SLC4A4: variants seen among roughly 807,000 people sequenced by gnomAD.
The protein encoded by SLC4A4 is electrogenic sodium bicarbonate cotransporter 1.
In SLC4A4, 27 loss-of-function variants were observed where a neutral mutation model predicts 111.5. That is an observed-to-expected ratio of 0.24 (90% CI 0.18 to 0.33). The LOEUF (loss-of-function observed/expected upper bound fraction) is 0.33, where lower values mean the gene tolerates loss of function less well. SLC4A4 is among the 10% of genes least tolerant of loss of function. SLC4A4 has a pLI of 1.00. For missense variants in SLC4A4, 909 were observed against 1,315.5 expected (o/e 0.69, Z 4.78); for synonymous variants, 443 against 463.4 (o/e 0.96, Z 0.57).
At chr4:71,451,328 A>G in intron 11 of SLC4A4, 27 bp downstream of exon 11, 2 of 1,340,588 alleles carry the variant, frequency 1.5e-6, no homozygotes, top group Non-Finnish European at 2.1e-6. Context: ...TTTGCCATTC[A>G]TGATGAGGTT....
intron 6 of SLC4A4, among the ~76,000 whole-genome samples, chr4:71,384,011 T>C (rs114465123): frequency 0.026 from 4,030 of 152,278 alleles, 91 homozygotes; most frequent in Non-Finnish European, 0.039. Flanking sequence ...ACTAGATAAC[T>C]TGATGTAATT....
At chr4:71,276,564 CTT>C (rs1055421773) in intron 3 of SLC4A4, among the ~76,000 whole-genome samples, 3 of 142,378 alleles carry the variant, frequency 2.1e-5, no homozygotes, top group African/African-American at 2.6e-5. Flanking sequence ...TGTGAATCTG[CTT>C]TTTTTTTTTT....
chr4:71,512,965 A>C (rs1308041898), intron 16 of SLC4A4, among the ~76,000 whole-genome samples: 1 of 152,052 alleles, frequency 6.6e-6, no homozygotes, highest in Non-Finnish European at 1.5e-5. Flanking sequence ...TTTCTGGATT[A>C]TCTACTCCGT....
chr4:71,338,893 A>G (rs906741027), intron 3 of SLC4A4, among the ~76,000 whole-genome samples: 7 of 104,332 alleles, frequency 6.7e-5, no homozygotes, highest in African/African-American at 1.9e-4. Context: ...CTGCGAGGGC[A>G]TGAGCTTTAG....
intron 13 of SLC4A4, among the ~76,000 whole-genome samples, chr4:71,469,405 C>T (rs2149103745): frequency 6.6e-6 from 1 of 151,930 alleles, no homozygotes; most frequent in South Asian, 2.1e-4. Flanking sequence ...TTGTCAGTGG[C>T]TGCACATTAA....
chr4:71,366,895 A>G (rs1731386085), intron 6 of SLC4A4, among the ~76,000 whole-genome samples: 2 of 152,202 alleles, frequency 1.3e-5, no homozygotes. Flanking sequence ...GACATTTGCC[A>G]ATGTAAGTAA....
rs562569939 is a variant in SLC4A4, at chr4:71,335,388, C to T, written c.254-3982C>T. 4.6e-5 allele frequency among the ~76,000 whole-genome samples: 7 copies of T among 152,268 alleles called. 1 individual carries two copies. The highest frequency in any genetic ancestry group is 1.7e-4 in the African/African-American group (7 of 41,554). Reference sequence around the variant, plus strand: ...ACTCCTTAGAAGTATTGTCCAGACTCCAAATTCTGCCTGTCATTTCTTCAT... The same window carrying T: ...ACTCCTTAGAAGTATTGTCCAGACTTCAAATTCTGCCTGTCATTTCTTCAT... On this transcript the variant is annotated intron_variant, in intron 3 of 25. Coordinates refer to ENST00000264485, the MANE Select transcript of SLC4A4 (RefSeq NM_001098484.3).
At chr4:71,289,132 A>G (rs1724137543) in intron 3 of SLC4A4, among the ~76,000 whole-genome samples, 1 of 152,182 alleles carries the variant, frequency 6.6e-6, no homozygotes, top group African/African-American at 2.4e-5. Context: ...GGAGTAAATA[A>G]TTAGGTTAGA....
At chr4:71,556,804 G>C (rs1019555777) in intron 21 of SLC4A4, among the ~76,000 whole-genome samples, 5 of 151,958 alleles carry the variant, frequency 3.3e-5, no homozygotes, top group African/African-American at 1.2e-4. Context: ...CACTAGAGAA[G>C]ATTGTGATGG....
intron 4 of SLC4A4, among the ~76,000 whole-genome samples, chr4:71,346,661 G>C (rs888219285): frequency 6.6e-6 from 1 of 151,996 alleles, no homozygotes; most frequent in African/African-American, 2.4e-5. Context: ...GTAGTTTTCA[G>C]TTTTTGTTTT....
At chr4:71,349,226 T>G (rs1026200618) in intron 4 of SLC4A4, among the ~76,000 whole-genome samples, 1 of 152,208 alleles carries the variant, frequency 6.6e-6, no homozygotes, top group East Asian at 1.9e-4. Flanking sequence ...ATATCTCATA[T>G]TATCAGAATA....
At chr4:71,091,228 G>T (rs28548074) in intron 1 of SLC4A4, among the ~76,000 whole-genome samples, 1 of 151,300 alleles carries the variant, frequency 6.6e-6, no homozygotes, top group African/African-American at 2.4e-5. Flanking sequence ...GTTTACAGGC[G>T]TGAGCCACTG....
intron 16 of SLC4A4, among the ~76,000 whole-genome samples, chr4:71,510,493 A>T (rs1161885745): frequency 1.3e-5 from 2 of 152,074 alleles, no homozygotes; most frequent in Non-Finnish European, 2.9e-5. Flanking sequence ...TCATTATATG[A>T]TGACTTTCTT....
At position 71,563,882 on chromosome 4, in the gene SLC4A4, T is replaced by C; in HGVS notation, c.3189T>C (p.Pro1063=). The change falls in exon 24 of 26, where the codon CCT becomes CCC. Residue 1063 remains proline (P), a synonymous_variant. Coordinates refer to ENST00000264485, the MANE Select transcript of SLC4A4 (RefSeq NM_001098484.3). The stretch of plus-strand genomic sequence containing the variant: ...AACCTTTCCTAAGCGATAGCAAACC[T>C]TCTGACAGTGAGTAGAACTAACCTC... ...EQQPFLSDSK[P]SDRERSPTFL... The C allele has an allele frequency of 6.2e-7, 1 of 1,602,030 alleles. No individual in the cohort carries two copies. The highest frequency in any genetic ancestry group is 1.7e-4 in the Middle Eastern group (1 of 6,010).
intron 6 of SLC4A4, among the ~76,000 whole-genome samples, chr4:71,360,724 T>C (rs1345529081): frequency 6.6e-6 from 1 of 152,164 alleles, no homozygotes; most frequent in East Asian, 1.9e-4. Context: ...CAAGATCAAC[T>C]AAAGTATTGT....
At chr4:71,098,679 T>G (rs376776424) in intron 2 of SLC4A4, among the ~76,000 whole-genome samples, 43 of 152,120 alleles carry the variant, frequency 2.8e-4, no homozygotes, top group African/African-American at 1.0e-3. Flanking sequence ...GCAAGCTAGA[T>G]AAAAAGCAAG....
At chr4:71,312,951 GGTA>G (rs1726330153) in intron 3 of SLC4A4, among the ~76,000 whole-genome samples, 1 of 130,166 alleles carries the variant, frequency 7.7e-6, no homozygotes, top group Non-Finnish European at 1.5e-5. Flanking sequence ...GGAAATAAAG[GGTA>G]TTCAATTCAA....
intron 6 of SLC4A4, among the ~76,000 whole-genome samples, chr4:71,394,063 G>A (rs1489242246): frequency 6.6e-6 from 1 of 152,104 alleles, no homozygotes; most frequent in Non-Finnish European, 1.5e-5. Context: ...AAAAATTATA[G>A]AAGATAACAT....
intron 7 of SLC4A4, among the ~76,000 whole-genome samples, chr4:71,407,781 GTT>G (rs564084815): frequency 3.5e-5 from 5 of 144,482 alleles, no homozygotes; most frequent in African/African-American, 7.6e-5. Flanking sequence ...ACATTTCAAT[GTT>G]TTTTTTTTTT....
Sources: gnomAD v4.1 joint callset for allele counts (sites outside exome capture counted in the v4.1 genomes callset) on GRCh38, gnomAD v4.1.1 for gene constraint, MANE v1.5 for transcripts, NCBI Gene and HGNC (gene_info 2026-07-23, HGNC 2026-07-21) for gene names.